Variants in FBXO28 observed in about 807,000 individuals in gnomAD.
FBXO28 encodes the protein F-box only protein 28.
A neutral mutation model predicts 38.1 loss-of-function variants in FBXO28; 8 were observed. The observed-to-expected ratio is 0.21, with a 90% CI of 0.12 to 0.38. FBXO28 has a LOEUF of 0.38. Among genes scored for constraint, FBXO28 ranks in the 10% least tolerant of loss-of-function variants. The pLI, the probability that FBXO28 is intolerant of heterozygous loss-of-function variation, is 1.00. For missense variants in FBXO28, 345 were observed against 460.6 expected (o/e 0.75, Z 2.30); for synonymous variants, 168 against 173.8 (o/e 0.97, Z 0.26).
At position 224,117,456 on chromosome 1, in the gene FBXO28, T is replaced by C. The variant is rs189192475; in HGVS notation, c.267+3060T>C. On this transcript the variant is annotated intron_variant, in intron 1 of 4. Transcript: ENST00000366862. ...ATTTATTTTATTTTATTTTATTTTA[T>C]TTTTTGGCCATTGACTATTGATCAA... is the stretch of plus-strand genomic sequence containing the variant. 1.2e-3 allele frequency among the ~76,000 whole-genome samples: 183 copies of C among 151,450 alleles called. 1 individual carries two copies. The highest frequency in any genetic ancestry group is 7.8e-3 in the Admixed American group (119 of 15,242).
chr1:224,151,289 T>G (rs1320765316), intron 3 of FBXO28, among the ~76,000 whole-genome samples: 3 of 152,150 alleles, frequency 2.0e-5, no homozygotes, highest in Non-Finnish European at 2.9e-5. Context: ...TCCCATTGCA[T>G]CTGCCTACGT....
rs1220714190 is a variant in FBXO28 at position 224,161,464 on chromosome 1, T to C, written c.*3718T>C. 1 of 152,220 alleles carries C rather than the reference T, an allele frequency of 6.6e-6. No individual in the cohort carries two copies. The highest frequency in any genetic ancestry group is 1.5e-5 in the Non-Finnish European group (1 of 68,038). The allele number at this position is 152,220 out of a possible 1,614,324, so 9.4% of individuals were successfully genotyped here. A position where few individuals can be genotyped will look rare whatever the true frequency, so the allele number is the denominator to read the frequency against. On this transcript the variant is annotated 3_prime_UTR_variant, in exon 5 of 5. Transcript: ENST00000366862. ...TGATATGAAACCCAACTTGATACACTGTTTGGTTCTTTGACTTGGGATCTA... is the reference window on the plus strand; with the variant it reads ...TGATATGAAACCCAACTTGATACACCGTTTGGTTCTTTGACTTGGGATCTA...
intron 2 of FBXO28, among the ~76,000 whole-genome samples, chr1:224,131,691 T>C (rs1657051941): frequency 6.6e-6 from 1 of 152,152 alleles, no homozygotes; most frequent in Non-Finnish European, 1.5e-5. Context: ...TAGACCTAAG[T>C]GTAAATGTCA....
intron 4 of FBXO28, among the ~76,000 whole-genome samples, 154 bp from the exon 5 acceptor site, chr1:224,157,198 T>C (rs535771512): frequency 2.0e-5 from 3 of 152,242 alleles, no homozygotes; most frequent in African/African-American, 7.2e-5. Context: ...AGGTGTTAAA[T>C]TATGATGATT....
At chr1:224,153,517 C>T (rs1166889003) in intron 4 of FBXO28, among the ~76,000 whole-genome samples, 180 bp downstream of exon 4, 2 of 152,164 alleles carry the variant, frequency 1.3e-5, no homozygotes, top group East Asian at 3.8e-4. Context: ...AGGCTCATTT[C>T]TTGTTTCTAG....
At chr1:224,128,242 A>AT (rs1313081125) in intron 1 of FBXO28, among the ~76,000 whole-genome samples, 33 of 145,592 alleles carry the variant, frequency 2.3e-4, no homozygotes, top group Admixed American at 8.5e-4. Context: ...TATTATTATT[A>AT]TTATTTTTTT....
intron 1 of FBXO28, among the ~76,000 whole-genome samples, chr1:224,125,266 G>C (rs1656878636): frequency 6.6e-6 from 1 of 151,900 alleles, no homozygotes; most frequent in African/African-American, 2.4e-5. Flanking sequence ...GGAACTACAG[G>C]CTCATGCCTC....
At chr1:224,142,331 G>A (rs1330617549) in intron 3 of FBXO28, among the ~76,000 whole-genome samples, 4 of 143,964 alleles carry the variant, frequency 2.8e-5, no homozygotes, top group African/African-American at 5.2e-5. Context: ...CAGCTTGGGC[G>A]ACAGAGCAAG....
At position 224,139,554 on chromosome 1, in the gene FBXO28, C is replaced by T. The variant is rs1227393858; in HGVS notation, c.516+5342C>T. ...ATCGAGAGATCGAGACCAGCCTGGCCAACATGGTGAAACCCCGTCTCTACT... is the reference window on the plus strand; with the variant it reads ...ATCGAGAGATCGAGACCAGCCTGGCTAACATGGTGAAACCCCGTCTCTACT... On this transcript the variant is annotated intron_variant, in intron 3 of 4. Coordinates refer to ENST00000366862, the MANE Select transcript of FBXO28 (RefSeq NM_015176.4). Among the ~76,000 whole-genome samples the T allele has an allele frequency of 1.9e-3, 292 of 149,856 alleles. 10 individuals are homozygous for T. Among genetic ancestry groups the T allele is most frequent in the African/African-American group, 7.0e-3 (277 of 39,354 alleles).
At position 224,158,330 on chromosome 1, in the gene FBXO28, T is replaced by A; in HGVS notation, c.*584T>A. ...CTACAATATTGACTATATATTTTTA[T>A]AAACTACTGGCAAGGAACTTACCCA... is the stretch of plus-strand genomic sequence containing the variant. On this transcript the variant is annotated 3_prime_UTR_variant, in exon 5 of 5. Coordinates refer to ENST00000366862, the MANE Select transcript of FBXO28 (RefSeq NM_015176.4). 1 of 640,654 alleles carries A rather than the reference T, an allele frequency of 1.6e-6. No individual in the cohort carries two copies. 39.7% of individuals were successfully genotyped at this position (640,654 alleles called of 1,614,324 possible). A position where few individuals can be genotyped will look rare whatever the true frequency, so the allele number is the denominator to read the frequency against.
At chr1:224,128,601 T>C (rs1656960275) in intron 1 of FBXO28, among the ~76,000 whole-genome samples, 1 of 152,162 alleles carries the variant, frequency 6.6e-6, no homozygotes. Context: ...GACTCAGGTT[T>C]TCAAATGTAA....
intron 3 of FBXO28, among the ~76,000 whole-genome samples, chr1:224,140,343 G>C (rs1657313894): frequency 6.6e-6 from 1 of 152,100 alleles, no homozygotes; most frequent in Non-Finnish European, 1.5e-5. Context: ...TGTTAATACA[G>C]AATGTAATCG....
intron 3 of FBXO28, among the ~76,000 whole-genome samples, chr1:224,146,702 A>ATTTTTTTTTTTTTTTTTTTTTTT (rs5781350): frequency 9.1e-6 from 1 of 110,322 alleles, no homozygotes; most frequent in Non-Finnish European, 1.8e-5. Flanking sequence ...TAAAACTAAA[A>ATTTTTTTTTTTTTTTTTTTTTTT]TTTTTTTTTT....
intron 1 of FBXO28, among the ~76,000 whole-genome samples, chr1:224,121,082 T>C (rs1656760997): frequency 6.6e-6 from 1 of 152,100 alleles, no homozygotes; most frequent in South Asian, 2.1e-4. Flanking sequence ...AAGAAAACTC[T>C]TAGGAGTTAT....
chr1:224,138,607 C>T (rs1238047667), intron 3 of FBXO28, among the ~76,000 whole-genome samples: 2 of 151,808 alleles, frequency 1.3e-5, no homozygotes, highest in Admixed American at 6.6e-5. Flanking sequence ...ACAGTAAGCT[C>T]ATATTAGTAT....
intron 3 of FBXO28, among the ~76,000 whole-genome samples, chr1:224,145,618 A>G (rs562014522): frequency 6.6e-6 from 1 of 152,252 alleles, no homozygotes; most frequent in African/African-American, 2.4e-5. Flanking sequence ...ATTCAAACAA[A>G]CATGCCATAT....
intron 4 of FBXO28, among the ~76,000 whole-genome samples, chr1:224,154,259 T>G (rs1190025275): frequency 6.6e-6 from 1 of 152,258 alleles, no homozygotes; most frequent in Non-Finnish European, 1.5e-5. Flanking sequence ...CATCCTTGTG[T>G]AATTTACTGA....
chr1:224,151,899 A>G (rs1657655005), intron 3 of FBXO28, among the ~76,000 whole-genome samples: 1 of 152,056 alleles, frequency 6.6e-6, no homozygotes, highest in Admixed American at 6.6e-5. Context: ...AAAATTAGCC[A>G]GGTGTGGTGG....
intron 3 of FBXO28, among the ~76,000 whole-genome samples, chr1:224,137,491 C>T (rs1368381717): frequency 6.6e-6 from 1 of 151,414 alleles, no homozygotes; most frequent in Non-Finnish European, 1.5e-5. Context: ...CCACTGCACT[C>T]CAGCCTGGCA....
Sources: allele counts gnomAD v4.1 joint callset (sites outside exome capture counted in the v4.1 genomes callset), GRCh38; gene constraint gnomAD v4.1.1; transcripts MANE v1.5; gene names NCBI Gene and HGNC (gene_info 2026-07-23, HGNC 2026-07-21).